The following SACS variants were observed in gnomAD, a reference collection of about 807,000 sequenced individuals.
SACS encodes the protein sacsin.
SACS carries 197 observed loss-of-function variants against 348.0 expected under a neutral mutation model. The observed-to-expected ratio is 0.57, with a 90% CI of 0.50 to 0.64. SACS has a LOEUF of 0.64. Among genes scored for constraint, SACS ranks in the 30% least tolerant of loss-of-function variants. SACS has a pLI of 0.00. For missense variants in SACS, 4,999 were observed against 5,360.8 expected (o/e 0.93, Z 2.11); for synonymous variants, 1,985 against 1,910.6 (o/e 1.04, Z -1.02).
At chr13:23,412,580 G>GT (rs1873538710) in intron 1 of SACS, among the ~76,000 whole-genome samples, 1 of 151,580 alleles carries the variant, frequency 6.6e-6, no homozygotes, top group African/African-American at 2.4e-5. Flanking sequence ...CACTCAGCTA[G>GT]TTTTTGTATT....
intron 7 of SACS, 143 bp from the exon 8 acceptor site, chr13:23,356,150 A>C (rs1384540563): frequency 8.5e-6 from 6 of 708,778 alleles, no homozygotes; most frequent in Non-Finnish European, 1.4e-5. Flanking sequence ...TTACCTTCAG[A>C]AATGTAATTC....
chr13:23,359,204 G>A (rs1870584729), intron 6 of SACS, among the ~76,000 whole-genome samples: 1 of 151,864 alleles, frequency 6.6e-6, no homozygotes, highest in African/African-American at 2.4e-5. Flanking sequence ...AAAAGAAAAA[G>A]AAATATGGAG....
chr13:23,356,782 C>T (rs940276521), intron 7 of SACS, among the ~76,000 whole-genome samples: 7 of 152,188 alleles, frequency 4.6e-5, no homozygotes, highest in Admixed American at 3.9e-4. Context: ...GCTTACTTAG[C>T]ACCTGGGTTT....
In SACS at chr13:23,333,585, C is replaced by T. The variant is rs144179865; in HGVS notation, c.10291G>A (p.Val3431Ile). The change falls in exon 10 of 10, where the codon GTA (valine) becomes ATA (isoleucine). Residue 3431 changes from valine to isoleucine, a missense_variant. Transcript: ENST00000382292. ...GCTGAAGGGATACTTTTTGTAAGTACGTAGCATGTTCCAAATTTTCCAATG... is the reference window on the plus strand; with the variant it reads ...GCTGAAGGGATACTTTTTGTAAGTATGTAGCATGTTCCAAATTTTCCAATG... The part of the protein sequence containing the change: ...VSIGKFGTCY[V>I]LTKSIPSAEV... 3.5e-5 allele frequency: 57 copies of T among 1,613,442 alleles called. No individual in the cohort carries two copies. The highest frequency in any genetic ancestry group is 1.3e-4 in the East Asian group (6 of 44,874).
intron 2 of SACS, among the ~76,000 whole-genome samples, chr13:23,409,704 A>G (rs1240886710): frequency 4.6e-5 from 7 of 152,180 alleles, no homozygotes; most frequent in Admixed American, 3.3e-4. Flanking sequence ...CTCTCAAAAC[A>G]TCTACTCTGT....
In SACS at chr13:23,337,957, T is replaced by C. The variant is rs923794930; in HGVS notation, c.5919A>G (p.Lys1973=). 8 of 1,613,978 alleles carry C rather than the reference T, an allele frequency of 5.0e-6. No individual in the cohort carries two copies. The highest frequency in any genetic ancestry group is 1.3e-5 in the African/African-American group (1 of 74,928). ...CATCAGAGAAGACTTTGGTCAGTTC[T>C]TTCCCTTTTCCATGAGCTATATCTT... The part of the protein sequence containing the change: ...FYEDIAHGKG[K]ELTKVFSDGS... The change falls in exon 10 of 10, where the codon AAA becomes AAG. Residue 1973 remains lysine (K), a synonymous_variant. Coordinates refer to ENST00000382292, the MANE Select transcript of SACS (RefSeq NM_014363.6).
intron 5 of SACS, among the ~76,000 whole-genome samples, chr13:23,366,792 G>C (rs1871092566): frequency 1.3e-5 from 2 of 152,154 alleles, no homozygotes; most frequent in South Asian, 2.1e-4. Context: ...AACTAACTCT[G>C]GGAAACAGCA....
intron 2 of SACS, among the ~76,000 whole-genome samples, chr13:23,409,115 C>T (rs1291203190): frequency 9.5e-6 from 1 of 105,148 alleles, no homozygotes; most frequent in African/African-American, 3.8e-5. Flanking sequence ...TGCAGTGGTG[C>T]GATTTCGGCT....
chr13:23,372,162 G>T (rs1871432849), intron 3 of SACS, among the ~76,000 whole-genome samples: 2 of 152,110 alleles, frequency 1.3e-5, no homozygotes, highest in African/African-American at 4.8e-5. Flanking sequence ...GTTTTTATAG[G>T]CTTGCTTTAA....
Position 23,411,284 on chromosome 13 carries a change from C to T in SACS, c.-45G>A, listed in dbSNP as rs1157421507. The T allele has an allele frequency of 6.4e-6, 10 of 1,570,366 alleles. No individual in the cohort carries two copies. Among genetic ancestry groups the T allele is most frequent in the South Asian group, 2.2e-5 (2 of 90,074 alleles). ...TTTGTTTGTGAAAACCATGAAAGTA[C>T]GCTTCTTTCTTCTGTTTAAGTCTTC... On this transcript the variant is annotated 5_prime_UTR_variant, in exon 2 of 10. Coordinates refer to ENST00000382292, the MANE Select transcript of SACS (RefSeq NM_014363.6).
intron 3 of SACS, among the ~76,000 whole-genome samples, chr13:23,372,476 C>A (rs749976558): frequency 3.9e-5 from 6 of 152,224 alleles, no homozygotes; most frequent in Non-Finnish European, 7.3e-5. Context: ...TACTGAACAT[C>A]ACTATCTAGC....
intron 2 of SACS, chr13:23,375,483 G>A: frequency 2.6e-6 from 3 of 1,151,854 alleles, no homozygotes; most frequent in Non-Finnish European, 3.2e-6. Flanking sequence ...GCGCAGTCCC[G>A]TACGCAGCAG....
chr13:23,348,781 T>C (rs2137681489), intron 9 of SACS, among the ~76,000 whole-genome samples: 1 of 152,230 alleles, frequency 6.6e-6, no homozygotes, highest in South Asian at 2.1e-4. Flanking sequence ...GAACACCATG[T>C]ACAAAAGGGC....
intron 3 of SACS, among the ~76,000 whole-genome samples, chr13:23,373,079 G>A (rs1434790253): frequency 6.6e-6 from 1 of 152,120 alleles, no homozygotes; most frequent in Non-Finnish European, 1.5e-5. Context: ...TAAATGGCAG[G>A]GCTAGCCACA....
At position 23,329,785 on chromosome 13, in the gene SACS, T is replaced by C. The variant is rs968888566; in HGVS notation, c.*351A>G. ...TTCATTAGCTCCTTCAAAAATACCA[T>C]GTTAAAAACATAAAATTAACTTCAT... On this transcript the variant is annotated 3_prime_UTR_variant, in exon 10 of 10. Transcript: ENST00000382292. The C allele has an allele frequency of 8.5e-6, 4 of 468,528 alleles. No individual in the cohort carries two copies. The highest frequency in any genetic ancestry group is 7.9e-5 in the African/African-American group (4 of 50,514). 29.0% of individuals were successfully genotyped at this position (468,528 alleles called of 1,614,324 possible).
At chr13:23,395,053 C>A (rs1023732337) in intron 2 of SACS, among the ~76,000 whole-genome samples, 1 of 152,308 alleles carries the variant, frequency 6.6e-6, no homozygotes, top group South Asian at 2.1e-4. Context: ...ATTGAGTATA[C>A]TGTAGAAGCT....
In SACS at chr13:23,337,380, G is replaced by A. The variant is rs764516788; in HGVS notation, c.6496C>T (p.Arg2166Cys). 64 of 1,613,576 alleles carry A rather than the reference G, an allele frequency of 4.0e-5. No individual in the cohort carries two copies. Among genetic ancestry groups the A allele is most frequent in the African/African-American group, 5.3e-5 (4 of 74,850 alleles). ...DDILWDDMLERAVSVAEINKS... is the reference protein window; with the variant it reads ...DDILWDDMLECAVSVAEINKS... ...TTAATTTCAGCTACTGACACTGCAC[G>A]TTCTAGCATATCATCCCATAAAATA... Residue 2166 changes from arginine to cysteine, a missense_variant, in exon 10 of 10, where the codon CGT becomes TGT. By Grantham distance (180) the Arg-to-Cys change is radical. Coordinates refer to ENST00000382292, the MANE Select transcript of SACS (RefSeq NM_014363.6).
rs766814593 is a variant in SACS, at chr13:23,337,092, T to C, written c.6784A>G (p.Asn2262Asp). The C allele has an allele frequency of 1.2e-6, 2 of 1,614,010 alleles. No homozygotes were observed. The highest frequency in any genetic ancestry group is 3.3e-5 in the Admixed American group (2 of 60,020). ...CCTCTAAAAGAATGGGAATTTTCAT[T>C]TAGAATTGGTTGCAAAAGACAAACT... is the stretch of plus-strand genomic sequence containing the variant. The part of the protein sequence containing the change: ...DIVCLLQPIL[N>D]ENSHSFRGCG... The change falls in exon 10 of 10, where the codon AAT becomes GAT. Residue 2262 changes from asparagine (N) to aspartate (D), a missense_variant. By Grantham distance (23) the Asn-to-Asp change is conservative (BLOSUM62 1). Transcript: ENST00000382292.
intron 2 of SACS, among the ~76,000 whole-genome samples, chr13:23,408,840 C>G (rs1873346025): frequency 6.6e-6 from 1 of 151,036 alleles, no homozygotes; most frequent in Non-Finnish European, 1.5e-5. Flanking sequence ...TGGTGGGCAC[C>G]TGTAGTCCCA....
Sources: allele counts gnomAD v4.1 joint callset (sites outside exome capture counted in the v4.1 genomes callset), GRCh38; gene constraint gnomAD v4.1.1; transcripts MANE v1.5; gene names NCBI Gene and HGNC (gene_info 2026-07-23, HGNC 2026-07-21).